The following WDR72 variants were observed in gnomAD, a reference collection of about 807,000 sequenced individuals.
WDR72 encodes the protein WD repeat domain 72.
Under a neutral mutation model 124.2 loss-of-function variants are expected in WDR72, and 120 were observed. The observed-to-expected ratio is 0.97, with a 90% CI of 0.83 to 1.12. WDR72 has a LOEUF of 1.12. Ranked by LOEUF, WDR72 falls within the 50% of genes most tolerant of loss-of-function variation. The probability of loss-of-function intolerance (pLI) is 0.00; values close to 1 mark genes in which losing one functional copy is unlikely to be tolerated. For synonymous variants in WDR72, 452 were observed against 441.7 expected (o/e 1.02, Z -0.29); for missense variants, 1,387 against 1,278.8 (o/e 1.08, Z -1.29).
At chr15:53,689,035 C>A (rs1348026098) in intron 13 of WDR72, among the ~76,000 whole-genome samples, 2 of 152,158 alleles carry the variant, frequency 1.3e-5, no homozygotes, top group Non-Finnish European at 2.9e-5. Flanking sequence ...AAACTGGATC[C>A]CTTCCTTACA....
intron 13 of WDR72, among the ~76,000 whole-genome samples, chr15:53,673,060 G>T (rs984394762): frequency 6.6e-6 from 1 of 152,094 alleles, no homozygotes; most frequent in African/African-American, 2.4e-5. Flanking sequence ...TGTCAAGGCT[G>T]TAGTGAGACA....
intron 14 of WDR72, among the ~76,000 whole-genome samples, chr15:53,658,215 T>A (rs2015493844): frequency 6.6e-6 from 1 of 152,176 alleles, no homozygotes; most frequent in African/African-American, 2.4e-5. Context: ...GGAAATTTTT[T>A]TACATTTCAA....
chr15:53,624,800 A>C (rs534316973), intron 14 of WDR72, among the ~76,000 whole-genome samples: 36 of 152,154 alleles, frequency 2.4e-4, no homozygotes, highest in Non-Finnish European at 5.0e-4. Flanking sequence ...ACTGTTTGAA[A>C]CTTTAGGAAG....
chr15:53,688,116 G>A (rs2016706906), intron 13 of WDR72, among the ~76,000 whole-genome samples: 1 of 149,672 alleles, frequency 6.7e-6, no homozygotes, highest in African/African-American at 2.5e-5. Context: ...ATACTGAATG[G>A]GCAAAAACTG....
chr15:53,677,784 T>C (rs537082756), intron 13 of WDR72, among the ~76,000 whole-genome samples: 1 of 152,202 alleles, frequency 6.6e-6, no homozygotes, highest in Non-Finnish European at 1.5e-5. Context: ...CAGAAGCACA[T>C]GTAAGAGATA....
At chr15:53,654,374 G>T (rs1424324252) in intron 14 of WDR72, among the ~76,000 whole-genome samples, 1 of 152,130 alleles carries the variant, frequency 6.6e-6, no homozygotes, top group Admixed American at 6.6e-5. Flanking sequence ...AGAAGTAAGG[G>T]CCCATATCCT....
chr15:53,647,422 A>G (rs996206149), intron 14 of WDR72, among the ~76,000 whole-genome samples: 2 of 152,118 alleles, frequency 1.3e-5, no homozygotes, highest in Non-Finnish European at 2.9e-5. Flanking sequence ...ATCATCCATA[A>G]TTATAACACC....
chr15:53,676,287 G>T (rs1441803068), intron 13 of WDR72, among the ~76,000 whole-genome samples: 3 of 152,116 alleles, frequency 2.0e-5, no homozygotes, highest in Non-Finnish European at 4.4e-5. Context: ...TGATAGGATG[G>T]CCCTCCAGTG....
intron 13 of WDR72, among the ~76,000 whole-genome samples, chr15:53,678,209 G>T (rs1434926692): frequency 6.6e-6 from 1 of 152,144 alleles, no homozygotes; most frequent in African/African-American, 2.4e-5. Flanking sequence ...CAATCCATCT[G>T]CCCTTAAAAC....
At chr15:53,575,430 T>C (rs1167034079) in intron 18 of WDR72, among the ~76,000 whole-genome samples, 2 of 152,166 alleles carry the variant, frequency 1.3e-5, no homozygotes, top group African/African-American at 2.4e-5. Flanking sequence ...AAGTTTTAAT[T>C]AATAACACAA....
Position 53,674,339 on chromosome 15 carries a change from C to T in WDR72, c.1766-8571G>A, listed in dbSNP as rs191700989. On this transcript the variant is annotated intron_variant, in intron 13 of 19. Transcript: ENST00000360509. ...AAATTCCACAAATCAAAAAATTTGA[C>T]CATTGGGTCTGTTATACAATTTATC... is the stretch of plus-strand genomic sequence containing the variant. Among the ~76,000 whole-genome samples the T allele has an allele frequency of 2.0e-3, 298 of 152,298 alleles. 2 individuals are homozygous for T. The highest frequency in any genetic ancestry group is 7.0e-3 in the African/African-American group (289 of 41,570).
rs535620312 is a variant in WDR72, at chr15:53,616,173, C to T, written c.2033G>A (p.Gly678Asp). ...CAGATCAAATAGAAGAATATGAAAG[C>T]CAACGTTACTCCATTTTGTCTTCAC... ...LPVKTKWSNV[G>D]FHILLFDLEN... The change falls in exon 15 of 20, where the codon GGC (glycine) becomes GAC (aspartate). Residue 678 changes from glycine to aspartate, a missense_variant. Physicochemically the swap from Gly to Asp is moderately conservative, Grantham distance 94. Transcript: ENST00000360509. 226 of 1,606,758 alleles carry T rather than the reference C, an allele frequency of 1.4e-4. 4 individuals carry two copies. In the South Asian group the frequency reaches 2.4e-3, roughly 17 times the overall value.
At chr15:53,706,585 A>G (rs986902587) in intron 9 of WDR72, among the ~76,000 whole-genome samples, 2 of 151,594 alleles carry the variant, frequency 1.3e-5, no homozygotes, top group Non-Finnish European at 2.9e-5. Flanking sequence ...GTGATTCAGC[A>G]ACCCATGTCT....
chr15:53,687,387 C>G (rs911468001), intron 13 of WDR72, among the ~76,000 whole-genome samples: 36 of 150,130 alleles, frequency 2.4e-4, no homozygotes, highest in Non-Finnish European at 4.0e-4. Flanking sequence ...GATATCACCA[C>G]CAATCCCACA....
intron 18 of WDR72, among the ~76,000 whole-genome samples, chr15:53,569,111 G>C (rs1004724241): frequency 6.6e-6 from 1 of 151,336 alleles, no homozygotes; most frequent in Admixed American, 6.6e-5. Flanking sequence ...CTTATGGTCT[G>C]TTTCTTTCTG....
upstream of WDR72, among the ~76,000 whole-genome samples, chr15:53,761,506 C>G (rs575199787): frequency 1.3e-5 from 2 of 152,174 alleles, no homozygotes; most frequent in African/African-American, 4.8e-5. Flanking sequence ...TATCCAAGAT[C>G]TTTTGGTAAG....
intron 14 of WDR72, among the ~76,000 whole-genome samples, chr15:53,639,430 T>C (rs985048033): frequency 1.4e-5 from 2 of 147,692 alleles, no homozygotes; most frequent in African/African-American, 2.5e-5. Flanking sequence ...CTGGGCAACA[T>C]AGCAAGACCT....
intron 18 of WDR72, among the ~76,000 whole-genome samples, chr15:53,562,750 G>C (rs1162877044): frequency 6.6e-6 from 1 of 151,780 alleles, no homozygotes; most frequent in Non-Finnish European, 1.5e-5. Flanking sequence ...CCCTTCCCAA[G>C]AGATAAATGG....
chr15:53,712,762 T>C lies in WDR72; in HGVS notation c.711+10A>G. 4 of 1,610,736 alleles carry C rather than the reference T, an allele frequency of 2.5e-6. No individual in the cohort carries two copies. The South Asian group carries it at 4.4e-5, about 18-fold the overall frequency. On this transcript the variant is annotated intron_variant, in intron 7 of 19. Transcript: ENST00000360509. ...ACATCACTGGTATTTATTATGTTACTTTATAATACCTTCCAACATTTAGAA... is the reference window on the plus strand; with the variant it reads ...ACATCACTGGTATTTATTATGTTACCTTATAATACCTTCCAACATTTAGAA...
Sources: gnomAD v4.1 joint callset for allele counts (sites outside exome capture counted in the v4.1 genomes callset) on GRCh38, gnomAD v4.1.1 for gene constraint, MANE v1.5 for transcripts, NCBI Gene and HGNC (gene_info 2026-07-23, HGNC 2026-07-21) for gene names.